Variants in TFDP2 observed in about 807,000 individuals in gnomAD.
TFDP2 encodes transcription factor Dp-2 (E2F dimerization partner 2).
A neutral mutation model predicts 59.3 loss-of-function variants in TFDP2; 17 were observed. The observed-to-expected ratio is 0.29, with a 90% confidence interval of 0.20 to 0.43. TFDP2 has a LOEUF of 0.43. Ranked by LOEUF, TFDP2 falls within the 20% of genes least tolerant of loss-of-function variation. TFDP2 has a pLI of 1.00. For synonymous variants in TFDP2, 180 were observed against 194.7 expected, an observed-to-expected ratio of 0.92 and a Z score of 0.63; for missense variants, 391 against 528.8, an observed-to-expected ratio of 0.74 and a Z score of 2.56.
intron 3 of TFDP2, among the ~76,000 whole-genome samples, chr3:142,058,966 C>G (rs929912421): frequency 7.2e-5 from 11 of 152,176 alleles, no homozygotes; most frequent in African/African-American, 2.7e-4. Flanking sequence ...CTAAAGCTAT[C>G]TAGGGGACCC....
At chr3:142,139,482 C>T (rs1009403142) in intron 1 of TFDP2, among the ~76,000 whole-genome samples, 1 of 152,092 alleles carries the variant, frequency 6.6e-6, no homozygotes, top group Non-Finnish European at 1.5e-5. Flanking sequence ...TAAAATTTGG[C>T]ATGTTTTTGC....
chr3:142,030,068 A>G (rs140515270), intron 3 of TFDP2, among the ~76,000 whole-genome samples: 2 of 152,362 alleles, frequency 1.3e-5, no homozygotes, highest in East Asian at 3.8e-4. Context: ...ACCAGTGTCT[A>G]AAACAGTGTC....
intron 3 of TFDP2, among the ~76,000 whole-genome samples, chr3:142,042,873 C>T (rs1373690649): frequency 7.1e-6 from 1 of 140,728 alleles, no homozygotes; most frequent in African/African-American, 2.6e-5. Flanking sequence ...CCAAGTGGCT[C>T]GGATTACAAG....
chr3:142,004,949 A>C (rs1944098521), intron 4 of TFDP2, among the ~76,000 whole-genome samples: 1 of 152,248 alleles, frequency 6.6e-6, no homozygotes, highest in Admixed American at 6.5e-5. Flanking sequence ...AATATCAAAG[A>C]GCACACAATG....
intron 4 of TFDP2, among the ~76,000 whole-genome samples, chr3:141,997,849 C>CAAAAAAA (rs3058569): frequency 4.6e-4 from 39 of 83,966 alleles, no homozygotes; most frequent in East Asian, 7.7e-4. Flanking sequence ...GACTCCATCT[C>CAAAAAAA]AAAAAAAAAA....
At chr3:141,993,058 G>A (rs1000401589) in intron 6 of TFDP2, among the ~76,000 whole-genome samples, 2 of 151,930 alleles carry the variant, frequency 1.3e-5, no homozygotes, top group Non-Finnish European at 1.5e-5. Flanking sequence ...AACTTAGCCG[G>A]GTGTGGTGGC....
rs959367901 is a variant in TFDP2, at chr3:141,985,846, A to C, written c.357-7164T>G. Among the ~76,000 whole-genome samples the C allele has an allele frequency of 4.6e-5, 7 of 152,188 alleles. No homozygotes were observed. In the East Asian group the frequency reaches 1.2e-3, roughly 25 times the overall value. On this transcript the variant is annotated intron_variant, in intron 6 of 12. Transcript: ENST00000489671. ...AGGTCAATTCACAGATTGGAGAAAAACTCTGCAAATCATGTATTTAATAAG... is the reference window on the plus strand; with the variant it reads ...AGGTCAATTCACAGATTGGAGAAAACCTCTGCAAATCATGTATTTAATAAG...
Position 141,945,799 on chromosome 3 carries a change from G to T in TFDP2, c.*6714C>A, listed in dbSNP as rs1935181167. ...TGCATTGAAGCACGACAAGGGATGA[G>T]TTTTTAAATCCAAACGTGATCTGGG... On this transcript the variant is annotated 3_prime_UTR_variant, in exon 13 of 13. Transcript: ENST00000489671. 1 of 152,248 alleles carries T rather than the reference G, an allele frequency of 6.6e-6. No homozygotes were observed. Among genetic ancestry groups the T allele is most frequent in the South Asian group, 2.1e-4 (1 of 4,832 alleles). The allele number at this position is 152,248 out of a possible 1,614,324, so 9.4% of individuals were successfully genotyped here.
intron 6 of TFDP2, among the ~76,000 whole-genome samples, chr3:141,990,710 T>TA (rs958544302): frequency 7.2e-5 from 11 of 152,108 alleles, no homozygotes; most frequent in African/African-American, 2.4e-4. Context: ...GCTCAGGTTC[T>TA]AAAAAAATGT....
intron 3 of TFDP2, among the ~76,000 whole-genome samples, chr3:142,092,196 A>G (rs1022709004): frequency 6.6e-6 from 1 of 152,184 alleles, no homozygotes; most frequent in Non-Finnish European, 1.5e-5. Flanking sequence ...TTTGAAGCCA[A>G]TTCCAGACAT....
chr3:142,123,423 C>T (rs1426091528), intron 1 of TFDP2, among the ~76,000 whole-genome samples: 1 of 152,084 alleles, frequency 6.6e-6, no homozygotes, highest in Non-Finnish European at 1.5e-5. Flanking sequence ...CGTGAGCCAT[C>T]GCGCCCAGCA....
At chr3:141,981,330 G>A (rs554230157) in intron 6 of TFDP2, among the ~76,000 whole-genome samples, 1 of 152,166 alleles carries the variant, frequency 6.6e-6, no homozygotes, top group African/African-American at 2.4e-5. Context: ...CCTGGGTTTG[G>A]GTAAGTACAT....
chr3:141,964,488 C>CA (rs1372417087), intron 9 of TFDP2, among the ~76,000 whole-genome samples: 1 of 152,022 alleles, frequency 6.6e-6, no homozygotes, highest in Non-Finnish European at 1.5e-5. Context: ...CCTATCTCTA[C>CA]AAAAAATACA....
chr3:142,030,777 C>T (rs1447558143), intron 3 of TFDP2, among the ~76,000 whole-genome samples: 1 of 134,528 alleles, frequency 7.4e-6, no homozygotes, highest in East Asian at 2.2e-4. Flanking sequence ...GAGTCTCGCT[C>T]TGTCGCCCAG....
chr3:142,148,119 G>GAA (rs397969650), intron 1 of TFDP2, among the ~76,000 whole-genome samples: 20 of 135,558 alleles, frequency 1.5e-4, no homozygotes, highest in African/African-American at 2.9e-4. Flanking sequence ...ACATGGCCCA[G>GAA]AAAAAAAAAA....
At chr3:142,018,978 G>A (rs1220359821) in intron 3 of TFDP2, among the ~76,000 whole-genome samples, 2 of 128,082 alleles carry the variant, frequency 1.6e-5, no homozygotes, top group African/African-American at 3.0e-5. Flanking sequence ...GAAGAAATAC[G>A]TTTATTCTAT....
At chr3:142,028,798 T>A (rs10935453) in intron 3 of TFDP2, 14 of 817,308 alleles carry the variant, frequency 1.7e-5, no homozygotes, top group Non-Finnish European at 2.1e-5. Context: ...CAAAGACATC[T>A]CAAAAGAAAT....
At chr3:142,143,824 A>G (rs773204248) in intron 1 of TFDP2, among the ~76,000 whole-genome samples, 14 of 152,194 alleles carry the variant, frequency 9.2e-5, no homozygotes, top group Admixed American at 7.9e-4. Context: ...TAGTACAACC[A>G]CTACAGAGAA....
In TFDP2 at chr3:142,119,981, C is replaced by T. The variant is rs552804789; in HGVS notation, c.-92-18140G>A. On this transcript the variant is annotated intron_variant, in intron 1 of 12. Coordinates refer to ENST00000489671, the MANE Select transcript of TFDP2 (RefSeq NM_001178139.2). The stretch of plus-strand genomic sequence containing the variant: ...AGGAGAATTGTTTGAACCCGGCAGG[C>T]GGAGGTTGCAGTGAGCCGAGATTGC... 2.5e-4 allele frequency among the ~76,000 whole-genome samples: 37 copies of T among 150,194 alleles called. No individual in the cohort carries two copies. In the East Asian group the frequency reaches 5.7e-3, roughly 23 times the overall value.
Sources: allele counts gnomAD v4.1 joint callset (sites outside exome capture counted in the v4.1 genomes callset), GRCh38; gene constraint gnomAD v4.1.1; transcripts MANE v1.5; gene names NCBI Gene and HGNC (gene_info 2026-07-23, HGNC 2026-07-21).